NXPE2: variants seen among roughly 807,000 people sequenced by gnomAD.
NXPE2 encodes the protein NXPE family member 2.
Under a neutral mutation model 34.4 loss-of-function variants are expected in NXPE2, and 34 were observed. The ratio of observed to expected loss-of-function variants is 0.99; its 90% CI spans 0.75 to 1.31. NXPE2 has a LOEUF of 1.31. Ranked by LOEUF, NXPE2 falls within the 40% of genes most tolerant of loss-of-function variation. The pLI, the probability that NXPE2 is intolerant of heterozygous loss-of-function variation, is 0.00. For synonymous variants in NXPE2, 235 were observed against 231.3 expected, an observed-to-expected ratio of 1.02 and a Z score of -0.15; for missense variants, 649 against 672.5, an observed-to-expected ratio of 0.97 and a Z score of 0.39.
chr11:114,514,836 T>C, the NXPE2 span, among the ~76,000 whole-genome samples: 1 of 152,146 alleles, frequency 6.6e-6, no homozygotes, highest in African/African-American at 2.4e-5. Flanking sequence ...TTCCTCTCTA[T>C]GACTGTATTT....
the NXPE2 span, among the ~76,000 whole-genome samples, chr11:114,632,678 A>C: frequency 1.7e-4 from 10 of 58,026 alleles, no homozygotes; most frequent in African/African-American, 1.0e-3. Context: ...ATATATATTT[A>C]TATATATAAA....
the NXPE2 span, among the ~76,000 whole-genome samples, chr11:114,810,386 C>T: frequency 1.1e-5 from 1 of 91,434 alleles, no homozygotes; most frequent in African/African-American, 3.5e-5. Flanking sequence ...AACGAAACTA[C>T]CATCAGAATG....
At chr11:114,633,030 T>G in the NXPE2 span, among the ~76,000 whole-genome samples, 4 of 112,544 alleles carry the variant, frequency 3.6e-5, no homozygotes, top group African/African-American at 1.5e-4. Flanking sequence ...TATAATGTAA[T>G]ATTTTATTAT....
chr11:114,644,548 C>T, the NXPE2 span, among the ~76,000 whole-genome samples: 1 of 152,096 alleles, frequency 6.6e-6, no homozygotes, highest in Non-Finnish European at 1.5e-5. Flanking sequence ...CTATTTGCTA[C>T]TGCATGTACA....
At chr11:114,722,375 G>C in the NXPE2 span, among the ~76,000 whole-genome samples, 368 of 151,444 alleles carry the variant, frequency 2.4e-3, 2 homozygotes, top group African/African-American at 8.7e-3. Context: ...AGTATCCTGA[G>C]GTCTTCCCAG....
intron 4 of NXPE2, 67 bp from the exon 5 acceptor site, chr11:114,705,712 ATG>A: frequency 9.8e-7 from 1 of 1,016,180 alleles, no homozygotes. Context: ...GAAGGCAAAA[ATG>A]AGAAACATTT....
chr11:114,568,315 T>C, the NXPE2 span, among the ~76,000 whole-genome samples: 1 of 152,152 alleles, frequency 6.6e-6, no homozygotes. Context: ...CCTTTTATCC[T>C]TCCTTACCTC....
the NXPE2 span, among the ~76,000 whole-genome samples, chr11:114,546,391 T>C: frequency 5.3e-5 from 8 of 152,116 alleles, no homozygotes; most frequent in African/African-American, 1.9e-4. Flanking sequence ...TAATATAGAT[T>C]GAAATGGATA....
the NXPE2 span, among the ~76,000 whole-genome samples, chr11:114,650,265 G>A: frequency 3.3e-5 from 5 of 152,164 alleles, no homozygotes; most frequent in South Asian, 4.1e-4. Flanking sequence ...AAGGAAAGAA[G>A]AATCCTGCAA....
At chr11:114,663,659 T>C in the NXPE2 span, among the ~76,000 whole-genome samples, 29 of 101,114 alleles carry the variant, frequency 2.9e-4, no homozygotes, top group African/African-American at 3.3e-4. Context: ...TATCATCTAT[T>C]TATCTATCAT....
chr11:114,792,457 A>G, the NXPE2 span, among the ~76,000 whole-genome samples: 1 of 152,046 alleles, frequency 6.6e-6, no homozygotes, highest in African/African-American at 2.4e-5. Flanking sequence ...TCCTGCCTGT[A>G]TTTATCTTTT....
At chr11:114,639,067 GAGGTGGAGCCTACAGAGGCAGGC>G in the NXPE2 span, among the ~76,000 whole-genome samples, 2 of 152,088 alleles carry the variant, frequency 1.3e-5, no homozygotes, top group East Asian at 3.9e-4. Context: ...CCTGCCCCCA[GAGGTGGAGCCTACAGAGGCAGGC>G]AGCCCTCCTT....
chr11:114,484,391 A>G, the NXPE2 span, among the ~76,000 whole-genome samples: 4 of 152,038 alleles, frequency 2.6e-5, no homozygotes, highest in Non-Finnish European at 4.4e-5. Context: ...TGATGACTGC[A>G]TGTGCTCTCT....
At chr11:114,736,592 C>T in the NXPE2 span, among the ~76,000 whole-genome samples, 2 of 152,050 alleles carry the variant, frequency 1.3e-5, no homozygotes, top group Non-Finnish European at 2.9e-5. Context: ...CACGCATGCT[C>T]TACAATTTGT....
chr11:114,530,312 T>G, the NXPE2 span: 18 of 1,614,230 alleles, frequency 1.1e-5, no homozygotes, highest in Non-Finnish European at 1.5e-5. Flanking sequence ...CATCCAGATA[T>G]TCACAGAGTT....
chr11:114,513,065 A>C, the NXPE2 span: 2 of 479,650 alleles, frequency 4.2e-6, no homozygotes, highest in Non-Finnish European at 8.5e-6. Context: ...GAATCTGACC[A>C]GTTAGGTGCC....
the NXPE2 span, among the ~76,000 whole-genome samples, chr11:114,603,677 A>T: frequency 6.6e-6 from 1 of 151,276 alleles, no homozygotes; most frequent in Non-Finnish European, 1.5e-5. Context: ...TCTCTTGGGT[A>T]ACTCCTATTA....
the NXPE2 span, among the ~76,000 whole-genome samples, chr11:114,660,626 G>A: frequency 3.3e-5 from 5 of 152,012 alleles, no homozygotes; most frequent in East Asian, 9.7e-4. Context: ...CTCGATAAAG[G>A]CATTTAGGAA....
chr11:114,521,202 T>A, the NXPE2 span, among the ~76,000 whole-genome samples: 1 of 152,226 alleles, frequency 6.6e-6, no homozygotes. Flanking sequence ...TATTTCCCTT[T>A]TGTTGCCAAT....
Sources: allele counts gnomAD v4.1 joint callset (sites outside exome capture counted in the v4.1 genomes callset), GRCh38; gene constraint gnomAD v4.1.1; transcripts MANE v1.5; gene names NCBI Gene and HGNC (gene_info 2026-07-23, HGNC 2026-07-21).